Variants in RPH3A observed in about 807,000 individuals in gnomAD.
The protein encoded by RPH3A is rabphilin-3A.
In RPH3A, 48 loss-of-function variants were observed where a neutral mutation model predicts 102.2. The observed-to-expected ratio is 0.47, with a 90% CI of 0.37 to 0.60. RPH3A has a LOEUF of 0.60. Ranked by LOEUF, RPH3A falls within the 20% of genes least tolerant of loss-of-function variation. The pLI, the probability that RPH3A is intolerant of heterozygous loss-of-function variation, is 0.00. For synonymous variants in RPH3A, 310 were observed against 324.3 expected (o/e 0.96, Z 0.47); for missense variants, 781 against 910.1 (o/e 0.86, Z 1.83).
intron 1 of RPH3A, among the ~76,000 whole-genome samples, chr12:112,679,518 C>T (rs893323014): frequency 4.6e-5 from 7 of 152,062 alleles, no homozygotes; most frequent in Non-Finnish European, 8.8e-5. Flanking sequence ...CTCCACCTCC[C>T]GGATTTAAGC....
In RPH3A at chr12:112,876,803, C is replaced by T. The variant is rs776917007; in HGVS notation, c.1108C>T (p.Arg370Cys). 15 of 1,610,206 alleles carry T rather than the reference C, an allele frequency of 9.3e-6. No homozygotes were observed. Among genetic ancestry groups the T allele is most frequent in the South Asian group, 4.4e-5 (4 of 90,270 alleles). ...AGCTGCCCCCCAGCCTGCTGCAGCC[C>T]GCCAGCCACCACCCCCAGAGGAGGA... The part of the protein sequence containing the change: ...SAAAPQPAAA[R>C]QPPPPEEEEE... The change falls in exon 13 of 22, where the codon CGC (arginine) becomes TGC (cysteine). Residue 370 changes from arginine to cysteine, a missense_variant. Physicochemically the swap from Arg to Cys is radical, Grantham distance 180 (BLOSUM62 -3). Around this residue, in one of 2 missense-constraint regions of RPH3A, gnomAD observed 730 missense variants for 810.0 expected, o/e 0.90. Coordinates refer to ENST00000389385, the MANE Select transcript of RPH3A (RefSeq NM_001143854.2).
chr12:112,608,119 C>CT lies in RPH3A; in HGVS notation c.-140+32814dup, dbSNP rs529911758. On this transcript the variant is annotated intron_variant, in intron 1 of 21. Transcript: ENST00000543106. ...TTCCCTCCTCCTCCTCTTTCTTTTT[C>CT]TTTTTTTTTTTTTTGACGGGGAGTT... Among the ~76,000 whole-genome samples the CT allele has an allele frequency of 2.7e-3, 387 of 142,780 alleles. 1 individual carries two copies. Among genetic ancestry groups the CT allele is most frequent in the Middle Eastern group, 7.5e-3 (2 of 266 alleles). The allele number at this position is 142,780 out of a possible 152,430, so 93.7% of individuals were successfully genotyped here. A position where few individuals can be genotyped will look rare whatever the true frequency, so the allele number is the denominator to read the frequency against.
At chr12:112,746,165 C>T (rs2040744151) in intron 1 of RPH3A, among the ~76,000 whole-genome samples, 1 of 151,968 alleles carries the variant, frequency 6.6e-6, no homozygotes, top group South Asian at 2.1e-4. Context: ...CCCTCTTTTC[C>T]TTTAGCAAAT....
rs748262040 is a variant in RPH3A at position 112,883,287 on chromosome 12, C to T, written c.1327-6C>T. 2.4e-5 allele frequency: 38 copies of T among 1,611,588 alleles called. No homozygotes were observed. In the Middle Eastern group the frequency reaches 4.9e-4, roughly 21 times the overall value. On this transcript the variant is annotated splice_region_variant and splice_polypyrimidine_tract_variant and intron_variant, in intron 15 of 21. Transcript: ENST00000389385. ...GGTGTCTCTGTCCATCTCTCTCGGG[C>T]TCTAGTCCAACAAGCTTCGTACAAA...
intron 19 of RPH3A, chr12:112,893,398 G>A (rs919162779): frequency 2.0e-5 from 3 of 152,184 alleles, no homozygotes; most frequent in South Asian, 2.1e-4. Context: ...GTAAAGTTAC[G>A]CTCATGTTTA....
intron 1 of RPH3A, among the ~76,000 whole-genome samples, chr12:112,739,910 C>G (rs1410408429): frequency 6.7e-6 from 1 of 149,926 alleles, no homozygotes; most frequent in Non-Finnish European, 1.5e-5. Context: ...GACACTGGCC[C>G]CAAGGCTCTA....
Position 112,875,763 on chromosome 12 carries a change from T to C in RPH3A, c.946+22T>C, listed in dbSNP as rs1168785731. On this transcript the variant is annotated intron_variant, in intron 12 of 21. Coordinates refer to ENST00000389385, the MANE Select transcript of RPH3A (RefSeq NM_001143854.2). ...CCAGGCAAGTATCTGCTTCCTCCCA[T>C]GCCTGCCCAAGTGGCCACCTCTCCC... 3 of 1,612,748 alleles carry C rather than the reference T, an allele frequency of 1.9e-6. No individual in the cohort carries two copies. The South Asian group carries it at 3.3e-5, about 18-fold the overall frequency.
rs1017006373 is a variant in RPH3A, at chr12:112,882,876, G to A, written c.1327-417G>A. On this transcript the variant is annotated intron_variant, in intron 15 of 21. Transcript: ENST00000389385. ...TTTCTCTTAGAGTAAAATGAAAAAT[G>A]TTGGCCCCTCTAAGGAATTTTAGGC... is the stretch of plus-strand genomic sequence containing the variant. Among the ~76,000 whole-genome samples, 8 of 152,346 alleles carry A rather than the reference G, an allele frequency of 5.3e-5. No homozygotes were observed. The South Asian group carries it at 1.0e-3, about 20-fold the overall frequency.
chr12:112,784,866 T>G (rs1291096825), intron 1 of RPH3A, among the ~76,000 whole-genome samples: 1 of 152,222 alleles, frequency 6.6e-6, no homozygotes, highest in Non-Finnish European at 1.5e-5. Context: ...ATGCTTACTT[T>G]ATTCTTTTGG....
chr12:112,754,800 C>T (rs753403853), intron 1 of RPH3A, among the ~76,000 whole-genome samples: 1 of 152,156 alleles, frequency 6.6e-6, no homozygotes, highest in African/African-American at 2.4e-5. Context: ...AATCTGTCTC[C>T]TCTTACTAAA....
chr12:112,592,092 G>T (rs1311205497), intron 1 of RPH3A, among the ~76,000 whole-genome samples: 2 of 152,072 alleles, frequency 1.3e-5, no homozygotes, highest in Non-Finnish European at 2.9e-5. Flanking sequence ...ATACTGTATT[G>T]TTGGTTGGGC....
chr12:112,861,822 G>A (rs1451474974), intron 5 of RPH3A, among the ~76,000 whole-genome samples: 2 of 151,950 alleles, frequency 1.3e-5, no homozygotes, highest in African/African-American at 4.8e-5. Context: ...GACCATCCTG[G>A]GTAGCACAGT....
intron 1 of RPH3A, among the ~76,000 whole-genome samples, chr12:112,717,586 T>C (rs2040522588): frequency 6.6e-6 from 1 of 152,182 alleles, no homozygotes; most frequent in South Asian, 2.1e-4. Context: ...CATTCCTTTT[T>C]ATTGATCAGT....
intron 1 of RPH3A, among the ~76,000 whole-genome samples, chr12:112,652,726 T>TC (rs1169144996): frequency 2.0e-5 from 3 of 152,242 alleles, no homozygotes; most frequent in South Asian, 4.1e-4. Context: ...TCAACAATAT[T>TC]CCCTGATTGC....
chr12:112,673,947 T>C (rs2040153473), intron 1 of RPH3A, among the ~76,000 whole-genome samples: 1 of 152,182 alleles, frequency 6.6e-6, no homozygotes, highest in Non-Finnish European at 1.5e-5. Flanking sequence ...AATATTGAGA[T>C]GGATTCTTGT....
upstream of RPH3A, among the ~76,000 whole-genome samples, chr12:112,789,619 C>T (rs963759228): frequency 6.6e-6 from 1 of 152,064 alleles, no homozygotes; most frequent in Non-Finnish European, 1.5e-5. Flanking sequence ...GAAGATGATA[C>T]ATGTAAAGTT....
chr12:112,642,304 C>T (rs1372422890), intron 1 of RPH3A, among the ~76,000 whole-genome samples: 1 of 152,100 alleles, frequency 6.6e-6, no homozygotes, highest in Non-Finnish European at 1.5e-5. Context: ...GGTGAGGAAA[C>T]TAAAGTGTAG....
At chr12:112,872,517 T>C (rs551582581) in intron 10 of RPH3A, among the ~76,000 whole-genome samples, 1 of 152,308 alleles carries the variant, frequency 6.6e-6, no homozygotes, top group Admixed American at 6.5e-5. Context: ...CACTCTTTTA[T>C]AGTGTCATTT....
Position 112,791,867 on chromosome 12 carries a change from G to GGGGA in RPH3A, c.-284_-283insGGAG, listed in dbSNP as rs1555209147. 2.1e-5 allele frequency: 1 copy of GGGGA among 48,484 alleles called. No homozygotes were observed. Among genetic ancestry groups the GGGGA allele is most frequent in the African/African-American group, 9.6e-5 (1 of 10,408 alleles). The allele number at this position is 48,484 out of a possible 1,614,324, so 3.0% of individuals were successfully genotyped here. A position where few individuals can be genotyped will look rare whatever the true frequency, so the allele number is the denominator to read the frequency against. On this transcript the variant is annotated 5_prime_UTR_variant, in exon 1 of 22. Coordinates refer to ENST00000389385, the MANE Select transcript of RPH3A (RefSeq NM_001143854.2). ...CGCGGACTGGAAAGGAAGGGAGAAG[G>GGGGA]GAGAGAGAGAGAGAGAGAGAGAGAG...
Sources: gnomAD v4.1 joint callset for allele counts (sites outside exome capture counted in the v4.1 genomes callset) on GRCh38, gnomAD v4.1.1 for gene constraint, gnomAD v4.1.1 regional missense constraint, MANE v1.5 for transcripts, NCBI Gene and HGNC (gene_info 2026-07-23, HGNC 2026-07-21) for gene names.